Variants in ANKFN1 observed in about 807,000 individuals in gnomAD.
ANKFN1 encodes ankyrin repeat and fibronectin type III domain containing 1, also known as ankyrin repeat and fibronectin type-III domain-containing protein 1.
A neutral mutation model predicts 108.7 loss-of-function variants in ANKFN1; 74 were observed. The ratio of observed to expected loss-of-function variants is 0.68; its 90% CI spans 0.56 to 0.83. ANKFN1 has a LOEUF of 0.83. Ranked by LOEUF, ANKFN1 falls within the 40% of genes least tolerant of loss-of-function variation. The probability of loss-of-function intolerance (pLI) is 0.00; values close to 1 mark genes in which losing one functional copy is unlikely to be tolerated. For synonymous variants in ANKFN1, 547 were observed against 516.2 expected (o/e 1.06, Z -0.81); for missense variants, 1,505 against 1,382.3 (o/e 1.09, Z -1.41).
intron 8 of ANKFN1, among the ~76,000 whole-genome samples, chr17:56,434,661 C>A (rs1167137719): frequency 7.9e-5 from 12 of 152,074 alleles, no homozygotes. Context: ...CCAGAGTTTT[C>A]ACGTCAGTTC....
intron 4 of ANKFN1, among the ~76,000 whole-genome samples, chr17:56,067,106 C>T (rs1216816566): frequency 6.6e-6 from 1 of 152,014 alleles, no homozygotes; most frequent in Non-Finnish European, 1.5e-5. Flanking sequence ...GGAGAATCAG[C>T]AGAACCCGGG....
chr17:56,363,856 A>G (rs1025035154), intron 6 of ANKFN1, among the ~76,000 whole-genome samples: 2 of 152,204 alleles, frequency 1.3e-5, no homozygotes. Flanking sequence ...GTTCTCACTT[A>G]TTTAGAGTCT....
chr17:56,310,990 A>G (rs2045005816), intron 3 of ANKFN1, among the ~76,000 whole-genome samples: 1 of 152,070 alleles, frequency 6.6e-6, no homozygotes, highest in Non-Finnish European at 1.5e-5. Flanking sequence ...ACTTTTTTAG[A>G]TGCTACACTA....
intron 18 of ANKFN1, among the ~76,000 whole-genome samples, chr17:56,490,394 A>C (rs539126696): frequency 7.2e-5 from 11 of 152,282 alleles, no homozygotes; most frequent in African/African-American, 2.6e-4. Flanking sequence ...GAGGAGGAAA[A>C]GGCATGTTTC....
At chr17:56,405,382 T>C (rs2047891416) in intron 8 of ANKFN1, among the ~76,000 whole-genome samples, 1 of 152,228 alleles carries the variant, frequency 6.6e-6, no homozygotes. Context: ...AAAAGTTTAA[T>C]ATACGCTCTA....
intron 4 of ANKFN1, among the ~76,000 whole-genome samples, chr17:56,094,422 T>A (rs1400735540): frequency 6.7e-6 from 1 of 150,344 alleles, no homozygotes; most frequent in Non-Finnish European, 1.5e-5. Flanking sequence ...TATATTGCAT[T>A]ATAGCAGAAA....
intron 4 of ANKFN1, among the ~76,000 whole-genome samples, chr17:56,052,755 C>A (rs1181429037): frequency 6.6e-6 from 1 of 152,106 alleles, no homozygotes; most frequent in African/African-American, 2.4e-5. Context: ...GTGGTGTGCA[C>A]TATTATTATT....
At chr17:56,188,925 T>C (rs914512469) in intron 1 of ANKFN1, among the ~76,000 whole-genome samples, 8 of 151,972 alleles carry the variant, frequency 5.3e-5, no homozygotes, top group African/African-American at 1.9e-4. Context: ...AAGGAGAGCA[T>C]AGGGACTGGA....
At chr17:56,398,995 A>G (rs1228389931) in intron 8 of ANKFN1, among the ~76,000 whole-genome samples, 1 of 152,174 alleles carries the variant, frequency 6.6e-6, no homozygotes, top group Non-Finnish European at 1.5e-5. Flanking sequence ...ATTCGAAAGG[A>G]AAATTCATAA....
chr17:56,334,438 A>T (rs886668004), intron 4 of ANKFN1, among the ~76,000 whole-genome samples: 9 of 152,154 alleles, frequency 5.9e-5, no homozygotes, highest in African/African-American at 2.2e-4. Context: ...CACTTATGTC[A>T]AAGCTAATCA....
At chr17:56,379,101 T>C (rs1188573294) in intron 8 of ANKFN1, among the ~76,000 whole-genome samples, 1 of 152,118 alleles carries the variant, frequency 6.6e-6, no homozygotes, top group African/African-American at 2.4e-5. Context: ...TAGGAATATA[T>C]ACATATAAAA....
At chr17:56,064,760 C>T (rs1905033650) in intron 4 of ANKFN1, among the ~76,000 whole-genome samples, 1 of 152,234 alleles carries the variant, frequency 6.6e-6, no homozygotes, top group Admixed American at 6.5e-5. Flanking sequence ...TTGCCCCTCC[C>T]CCCAGGAGCT....
rs529402966 is a variant in ANKFN1, at chr17:56,343,268, C to T, written c.189-7498C>T. On this transcript the variant is annotated intron_variant, in intron 4 of 20. Transcript: ENST00000682825. ...TTCTTTCATTTCAACCTGAAGGTGT[C>T]GTGTTTGTGTTTATTGTACAGTAGG... Among the ~76,000 whole-genome samples the T allele has an allele frequency of 1.1e-4, 16 of 151,760 alleles. No homozygotes were observed. The East Asian group carries it at 2.7e-3, about 26-fold the overall frequency.
chr17:56,126,471 A>G lies in ANKFN1; in HGVS notation c.288+80146A>G, dbSNP rs142497430. On this transcript the variant is annotated intron_variant, in intron 4 of 12. Coordinates refer to the ANKFN1 transcript ENST00000635860. ...CATATGTTCCAATTTTTATTGCTAC[A>G]TTCCTTGGATGGCTCCATATGTTTA... 9.2e-5 allele frequency among the ~76,000 whole-genome samples: 14 copies of G among 152,262 alleles called. 1 individual carries two copies. The highest frequency in any genetic ancestry group is 8.3e-4 in the South Asian group (4 of 4,818).
At chr17:56,198,312 A>G (rs1366260468) in intron 1 of ANKFN1, among the ~76,000 whole-genome samples, 1 of 152,192 alleles carries the variant, frequency 6.6e-6, no homozygotes, top group Non-Finnish European at 1.5e-5. Context: ...CAGTTTCAGG[A>G]TGAAACTGTT....
chr17:56,478,062 G>A (rs73313465), intron 16 of ANKFN1, among the ~76,000 whole-genome samples: 5,496 of 152,150 alleles, frequency 0.036, 340 homozygotes, highest in African/African-American at 0.12. Flanking sequence ...GCTGACCTCA[G>A]GTGATCCATT....
chr17:56,321,477 T>C (rs1480781003), intron 3 of ANKFN1, among the ~76,000 whole-genome samples: 1 of 146,864 alleles, frequency 6.8e-6, no homozygotes, highest in East Asian at 2.0e-4. Flanking sequence ...AAAAAAAAAA[T>C]CTTCGCTGAA....
intron 1 of ANKFN1, among the ~76,000 whole-genome samples, chr17:56,200,752 T>C (rs1287469595): frequency 6.6e-6 from 1 of 152,198 alleles, no homozygotes; most frequent in East Asian, 1.9e-4. Context: ...GGCATATAGA[T>C]ATATAGAGAG....
chr17:56,294,075 G>T (rs1014985261), intron 3 of ANKFN1, among the ~76,000 whole-genome samples: 4 of 152,148 alleles, frequency 2.6e-5, no homozygotes, highest in Admixed American at 2.6e-4. Flanking sequence ...GCAAATTGTT[G>T]GTTCACCTCC....
Sources: allele counts gnomAD v4.1 joint callset (sites outside exome capture counted in the v4.1 genomes callset), GRCh38; gene constraint gnomAD v4.1.1; transcripts MANE v1.5; gene names NCBI Gene and HGNC (gene_info 2026-07-23, HGNC 2026-07-21).